The following KLHL32 variants were observed in gnomAD, a reference collection of about 807,000 sequenced individuals.
KLHL32 encodes kelch like family member 32.
In KLHL32, 35 loss-of-function variants were observed where a neutral mutation model predicts 64.8. The ratio of observed to expected loss-of-function variants is 0.54; its 90% CI spans 0.41 to 0.72. The LOEUF (loss-of-function observed/expected upper bound fraction) is 0.72. Ranked by LOEUF, KLHL32 falls within the 30% of genes least tolerant of loss-of-function variation. The probability of loss-of-function intolerance (pLI) is 0.00; values close to 1 mark genes in which losing one functional copy is unlikely to be tolerated. For missense variants in KLHL32, 589 were observed against 768.5 expected (o/e 0.77, Z 2.76); for synonymous variants, 259 against 281.0 (o/e 0.92, Z 0.78).
chr6:96,930,537 T>A (rs1280131996), intron 1 of KLHL32, among the ~76,000 whole-genome samples: 1 of 152,196 alleles, frequency 6.6e-6, no homozygotes, highest in Non-Finnish European at 1.5e-5. Flanking sequence ...ATCTCAGTAC[T>A]TATTAATTCC....
chr6:96,954,994 A>G (rs549443684), intron 1 of KLHL32, among the ~76,000 whole-genome samples: 3 of 152,312 alleles, frequency 2.0e-5, no homozygotes, highest in East Asian at 1.9e-4. Flanking sequence ...GCCAGATTCA[A>G]TGTCTGGGGA....
chr6:97,024,609 C>A lies in KLHL32; in HGVS notation c.205-16883C>A, dbSNP rs536685394. On this transcript the variant is annotated intron_variant, in intron 3 of 10. Coordinates refer to ENST00000369261, the MANE Select transcript of KLHL32 (RefSeq NM_052904.4). Reference sequence around the variant, plus strand: ...TTCTTTAAAATTATTTGAATCAATGCCAGAGAAATTGTTAACATTTCAGTC... The same window carrying A: ...TTCTTTAAAATTATTTGAATCAATGACAGAGAAATTGTTAACATTTCAGTC... 1.8e-3 allele frequency among the ~76,000 whole-genome samples: 278 copies of A among 152,064 alleles called. 1 individual carries two copies. Among genetic ancestry groups the A allele is most frequent in the Non-Finnish European group, 3.5e-4 (24 of 67,988 alleles).
At chr6:97,008,554 G>A (rs1246421442) in intron 3 of KLHL32, among the ~76,000 whole-genome samples, 1 of 152,020 alleles carries the variant, frequency 6.6e-6, no homozygotes, top group Non-Finnish European at 1.5e-5. Flanking sequence ...TGCACTGGCT[G>A]GAGTCCTGCT....
At chr6:97,045,037 T>C (rs1785714569) in intron 4 of KLHL32, among the ~76,000 whole-genome samples, 1 of 152,192 alleles carries the variant, frequency 6.6e-6, no homozygotes, top group African/African-American at 2.4e-5. Context: ...TTAAAACGTA[T>C]GATATCATTT....
the KLHL32 span, among the ~76,000 whole-genome samples, chr6:96,899,724 C>A: frequency 6.6e-6 from 1 of 152,136 alleles, no homozygotes; most frequent in Non-Finnish European, 1.5e-5. Context: ...AAAACCTGAA[C>A]CATAAATGCA....
At position 97,118,340 on chromosome 6, in the gene KLHL32, C is replaced by T. The variant is rs113710811; in HGVS notation, c.1354+3831C>T. On this transcript the variant is annotated intron_variant, in intron 7 of 10. Coordinates refer to ENST00000369261, the MANE Select transcript of KLHL32 (RefSeq NM_052904.4). Reference sequence around the variant, plus strand: ...CATCTTGAGAATTGTAGACAAAGGCCGGGTGCAGTGGCTCACGCCAGTAAT... The same window carrying T: ...CATCTTGAGAATTGTAGACAAAGGCTGGGTGCAGTGGCTCACGCCAGTAAT... 3.3e-3 allele frequency among the ~76,000 whole-genome samples: 503 copies of T among 152,146 alleles called. 3 individuals carry two copies. Among genetic ancestry groups the T allele is most frequent in the African/African-American group, 0.011 (474 of 41,512 alleles).
intron 1 of KLHL32, among the ~76,000 whole-genome samples, chr6:96,946,546 A>G (rs767744509): frequency 2.0e-5 from 3 of 152,200 alleles, no homozygotes; most frequent in Non-Finnish European, 2.9e-5. Flanking sequence ...CTTCACTGCT[A>G]TGAGCTAGGA....
At chr6:97,048,547 C>G (rs1786298992) in intron 4 of KLHL32, among the ~76,000 whole-genome samples, 1 of 152,236 alleles carries the variant, frequency 6.6e-6, no homozygotes. Flanking sequence ...AGAGGTCTCA[C>G]CATAGTAACT....
chr6:97,016,915 C>T (rs977017916), intron 3 of KLHL32, among the ~76,000 whole-genome samples: 1 of 152,172 alleles, frequency 6.6e-6, no homozygotes, highest in African/African-American at 2.4e-5. Context: ...TCTCTTCTGT[C>T]TCCTGCTGCC....
chr6:96,924,225 G>A (rs1026312644), upstream of KLHL32, among the ~76,000 whole-genome samples: 5 of 152,164 alleles, frequency 3.3e-5, no homozygotes, highest in Non-Finnish European at 5.9e-5. Flanking sequence ...AGCAGAGCAA[G>A]GACTCCCTGG....
chr6:97,060,839 A>C (rs1396135889), intron 4 of KLHL32, among the ~76,000 whole-genome samples: 3 of 152,044 alleles, frequency 2.0e-5, no homozygotes, highest in African/African-American at 7.2e-5. Context: ...TTACTTTGTC[A>C]CACCATTCTG....
chr6:96,987,271 T>C (rs892777670), intron 3 of KLHL32, among the ~76,000 whole-genome samples: 5 of 152,234 alleles, frequency 3.3e-5, no homozygotes, highest in African/African-American at 1.2e-4. Flanking sequence ...GTGTTTGCTC[T>C]TGCTTCTCTA....
At chr6:97,073,799 C>T (rs1320106746) in intron 5 of KLHL32, among the ~76,000 whole-genome samples, 1 of 152,168 alleles carries the variant, frequency 6.6e-6, no homozygotes, top group African/African-American at 2.4e-5. Context: ...TTCCCTCCAG[C>T]TGTCTTTCTT....
At chr6:97,082,342 G>A (rs188582358) in intron 5 of KLHL32, among the ~76,000 whole-genome samples, 34 of 152,232 alleles carry the variant, frequency 2.2e-4, no homozygotes, top group Admixed American at 9.8e-4. Context: ...GGCTGGGAGC[G>A]GTGGCTCACA....
intron 4 of KLHL32, among the ~76,000 whole-genome samples, chr6:97,057,559 C>T (rs574052158): frequency 1.1e-4 from 16 of 147,130 alleles, no homozygotes; most frequent in African/African-American, 3.1e-4. Context: ...ACCCCCCTCC[C>T]GCCCCCATTT....
intron 2 of KLHL32, among the ~76,000 whole-genome samples, chr6:96,969,533 C>G (rs927380006): frequency 6.6e-6 from 1 of 152,136 alleles, no homozygotes; most frequent in Non-Finnish European, 1.5e-5. Flanking sequence ...ATTCATATTT[C>G]CATGCCTACG....
chr6:97,020,369 A>G lies in KLHL32; in HGVS notation c.205-21123A>G, dbSNP rs1781824652. 1.3e-5 allele frequency among the ~76,000 whole-genome samples: 2 copies of G among 151,202 alleles called. 1 individual carries two copies. Among genetic ancestry groups the G allele is most frequent in the African/African-American group, 4.9e-5 (2 of 40,448 alleles). The stretch of plus-strand genomic sequence containing the variant: ...TCTAGAGATGAAAATAATGATTACC[A>G]GAAATACTATAGAAACTCTATGCCA... On this transcript the variant is annotated intron_variant, in intron 3 of 10. Coordinates refer to ENST00000369261, the MANE Select transcript of KLHL32 (RefSeq NM_052904.4).
At chr6:96,994,487 C>G (rs1582631558) in intron 3 of KLHL32, 2 of 984,982 alleles carry the variant, frequency 2.0e-6, no homozygotes, top group Admixed American at 1.2e-4. Context: ...TTTTTGTGCT[C>G]TGTACTCTGA....
chr6:96,958,921 A>C (rs1773580925), intron 1 of KLHL32, among the ~76,000 whole-genome samples: 1 of 152,082 alleles, frequency 6.6e-6, no homozygotes, highest in South Asian at 2.1e-4. Context: ...ATGGTGCTTC[A>C]AGCATATGGC....
Sources: gnomAD v4.1 joint callset for allele counts (sites outside exome capture counted in the v4.1 genomes callset) on GRCh38, gnomAD v4.1.1 for gene constraint, MANE v1.5 for transcripts, NCBI Gene and HGNC (gene_info 2026-07-23, HGNC 2026-07-21) for gene names.